Variants in ANKS3 observed in about 807,000 individuals in gnomAD.
The protein encoded by ANKS3 is ankyrin repeat and SAM domain-containing protein 3.
In ANKS3, 62 loss-of-function variants were observed where a neutral mutation model predicts 80.7. The observed-to-expected ratio is 0.77, with a 90% CI of 0.63 to 0.95. ANKS3 has a LOEUF of 0.95. ANKS3 is among the 40% of genes least tolerant of loss of function. The pLI is 0.00. For missense variants in ANKS3, 1,150 were observed against 883.6 expected, an observed-to-expected ratio of 1.30 and a Z score of -3.82; for synonymous variants, 489 against 355.3, an observed-to-expected ratio of 1.38 and a Z score of -4.23.
At chr16:4,709,178 G>A (rs185648283) in intron 7 of ANKS3, among the ~76,000 whole-genome samples, 2 of 151,816 alleles carry the variant, frequency 1.3e-5, no homozygotes, top group East Asian at 1.9e-4. Context: ...AGGCCGAGTC[G>A]GGTGGACCAC....
At chr16:4,709,189 C>G (rs2080357641) in intron 7 of ANKS3, among the ~76,000 whole-genome samples, 2 of 151,666 alleles carry the variant, frequency 1.3e-5, no homozygotes. Flanking sequence ...GGTGGACCAC[C>G]TTATGTCGGG....
chr16:4,724,893 CCTG>C (rs2081278975), intron 5 of ANKS3, 62 bp from the exon 6 acceptor site: 2 of 1,498,826 alleles, frequency 1.3e-6, no homozygotes, highest in Non-Finnish European at 1.8e-6. Context: ...GCAAAAACTC[CCTG>C]CTGAAGATAA....
intron 6 of ANKS3, among the ~76,000 whole-genome samples, chr16:4,720,737 C>T (rs532854167): frequency 6.7e-6 from 1 of 149,700 alleles, no homozygotes; most frequent in East Asian, 2.0e-4. Flanking sequence ...GTCAGGAGTT[C>T]AAGACCATCC....
At chr16:4,712,239 T>C (rs564135843) in intron 7 of ANKS3, among the ~76,000 whole-genome samples, 42 of 151,800 alleles carry the variant, frequency 2.8e-4, no homozygotes, top group South Asian at 4.2e-4. Context: ...GGTGTAGTGG[T>C]GCACGCCTGT....
rs9674256 is a variant in ANKS3 at position 4,722,201 on chromosome 16, T to G, written c.573+2549A>C. Among the ~76,000 whole-genome samples, 738 of 151,500 alleles carry G rather than the reference T, an allele frequency of 4.9e-3. 27 individuals carry two copies. The highest frequency in any genetic ancestry group is 5.3e-3 in the Non-Finnish European group (358 of 67,774). On this transcript the variant is annotated intron_variant, in intron 6 of 17. Coordinates refer to ENST00000304283, the MANE Select transcript of ANKS3 (RefSeq NM_133450.4). Reference sequence around the variant, plus strand: ...GAGATACCATGTGAATTTTTCACTATTTAAGAAATTCCCACCAATAAGTGA... The same window carrying G: ...GAGATACCATGTGAATTTTTCACTAGTTAAGAAATTCCCACCAATAAGTGA...
At chr16:4,728,567 C>A (rs1374406640) in intron 3 of ANKS3, among the ~76,000 whole-genome samples, 1 of 152,102 alleles carries the variant, frequency 6.6e-6, no homozygotes, top group African/African-American at 2.4e-5. Flanking sequence ...CAGAGCATCT[C>A]CCTGGGGCTC....
intron 7 of ANKS3, among the ~76,000 whole-genome samples, chr16:4,713,729 T>C (rs1468226722): frequency 6.6e-6 from 1 of 152,214 alleles, no homozygotes. Flanking sequence ...CAAGTTCATA[T>C]AGAAGAATGA....
chr16:4,714,644 C>T (rs1342007611), intron 6 of ANKS3, among the ~76,000 whole-genome samples: 1 of 152,244 alleles, frequency 6.6e-6, no homozygotes, highest in Admixed American at 6.5e-5. Flanking sequence ...AACAATTCCA[C>T]TTCCATGACC....
At chr16:4,702,713 G>T (rs1291455429) in intron 8 of ANKS3, among the ~76,000 whole-genome samples, 1 of 152,058 alleles carries the variant, frequency 6.6e-6, no homozygotes, top group Admixed American at 6.6e-5. Context: ...TGAGCAGGAA[G>T]GAAAAAGGCC....
intron 8 of ANKS3, among the ~76,000 whole-genome samples, chr16:4,702,985 A>G (rs1210815066): frequency 6.6e-6 from 1 of 152,212 alleles, no homozygotes; most frequent in African/African-American, 2.4e-5. Flanking sequence ...CCTGGGCTAC[A>G]GTGAAACCCT....
chr16:4,718,474 G>A (rs2080920797), intron 6 of ANKS3, among the ~76,000 whole-genome samples: 2 of 152,202 alleles, frequency 1.3e-5, no homozygotes, highest in African/African-American at 4.8e-5. Flanking sequence ...GAAGGGAAAT[G>A]GGGGACAAGG....
At chr16:4,724,514 T>C (rs1200981574) in intron 6 of ANKS3, among the ~76,000 whole-genome samples, 1 of 152,204 alleles carries the variant, frequency 6.6e-6, no homozygotes, top group East Asian at 1.9e-4. Context: ...TTCCATAATT[T>C]TCAGATAGTA....
rs147127961 is a variant in ANKS3 at position 4,702,787 on chromosome 16, C to T, written c.869-545G>A. On this transcript the variant is annotated intron_variant, in intron 8 of 17. Coordinates refer to ENST00000304283, the MANE Select transcript of ANKS3 (RefSeq NM_133450.4). ...AACTCTACCTGCCTCTAAAACCAAGCAGAAAAAGGGGCATGTATACCAGGC... is the reference window on the plus strand; with the variant it reads ...AACTCTACCTGCCTCTAAAACCAAGTAGAAAAAGGGGCATGTATACCAGGC... Among the ~76,000 whole-genome samples the T allele has an allele frequency of 7.9e-5, 12 of 152,030 alleles. No individual in the cohort carries two copies. In the East Asian group the frequency reaches 1.6e-3, roughly 20 times the overall value.
chr16:4,720,352 C>T (rs1451654489), intron 6 of ANKS3, among the ~76,000 whole-genome samples: 1 of 150,558 alleles, frequency 6.6e-6, no homozygotes, highest in Non-Finnish European at 1.5e-5. Flanking sequence ...GTCCCAGCTA[C>T]TCGGGAGGCT....
chr16:4,731,704 GA>G, intron 1 of ANKS3, 125 bp from the exon 2 acceptor site: 1 of 369,672 alleles, frequency 2.7e-6, no homozygotes, highest in Non-Finnish European at 3.7e-6. Flanking sequence ...ACCAGGATGT[GA>G]CTGGTGGCAC....
chr16:4,714,812 T>G (rs2080699284), intron 6 of ANKS3, among the ~76,000 whole-genome samples: 1 of 150,938 alleles, frequency 6.6e-6, no homozygotes, highest in African/African-American at 2.4e-5. Context: ...GCCAACATGG[T>G]GAAACCCCGT....
Position 4,701,415 on chromosome 16 carries a change from A to G in ANKS3, c.1119+19T>C, listed in dbSNP as rs200781562. ...GCCAGGGACCGGCTATGGGAGACCA[A>G]GAAAGAAAGAATCCGTACCTCGTTG... On this transcript the variant is annotated intron_variant, in intron 10 of 17. Transcript: ENST00000304283. 6.3e-6 allele frequency: 10 copies of G among 1,578,408 alleles called. No homozygotes were observed. In the African/African-American group the frequency reaches 8.1e-5, roughly 13 times the overall value.
In ANKS3 at chr16:4,698,449, C is replaced by G; in HGVS notation, c.1702G>C (p.Ala568Pro). The G allele has an allele frequency of 6.5e-7, 1 of 1,537,090 alleles. No homozygotes were observed. Among genetic ancestry groups the G allele is most frequent in the Admixed American group, 1.9e-5 (1 of 51,950 alleles). ...RETWALARDA[A>P]LVLDQLRACQ... ...CACCGCAGCTGGTCCAGGACGAGGG[C>G]AGCATCCCGGGCCAGGGCCCACGTC... Residue 568 changes from alanine (A) to proline (P), a missense_variant, in exon 14 of 18, where the codon GCC (alanine) becomes CCC (proline). Transcript: ENST00000304283.
At chr16:4,729,872 T>C in intron 3 of ANKS3, 108 bp downstream of exon 3, 1 of 1,149,682 alleles carries the variant, frequency 8.7e-7, no homozygotes, top group Non-Finnish European at 1.1e-6. Context: ...GTTAACCTAT[T>C]CTACACGCAT....
Sources: gnomAD v4.1 joint callset for allele counts (sites outside exome capture counted in the v4.1 genomes callset) on GRCh38, gnomAD v4.1.1 for gene constraint, MANE v1.5 for transcripts, NCBI Gene and HGNC (gene_info 2026-07-23, HGNC 2026-07-21) for gene names.